The following VTI1A variants were observed in gnomAD, a reference collection of about 807,000 sequenced individuals.
VTI1A encodes vesicle transport through interaction with t-SNAREs homolog 1A.
A neutral mutation model predicts 34.9 loss-of-function variants in VTI1A; 22 were observed. The observed-to-expected ratio is 0.63, with a 90% CI of 0.45 to 0.90. The LOEUF (loss-of-function observed/expected upper bound fraction) is 0.90, where lower values mean the gene tolerates loss of function less well. Among genes scored for constraint, VTI1A ranks in the 40% least tolerant of loss-of-function variants. The pLI is 0.00. For synonymous variants in VTI1A, 87 were observed against 97.3 expected (o/e 0.89, Z 0.62); for missense variants, 268 against 275.6 (o/e 0.97, Z 0.20).
intron 5 of VTI1A, among the ~76,000 whole-genome samples, chr10:112,663,884 G>A (rs978758449): frequency 2.0e-5 from 3 of 152,154 alleles, no homozygotes; most frequent in Admixed American, 6.5e-5. Context: ...TTTTCATCTG[G>A]TTGGTGTTCT....
At chr10:112,746,498 A>C (rs1850902391) in intron 7 of VTI1A, among the ~76,000 whole-genome samples, 1 of 152,216 alleles carries the variant, frequency 6.6e-6, no homozygotes, top group African/African-American at 2.4e-5. Flanking sequence ...TCGCTCTCAC[A>C]GAACAAGTGT....
intron 3 of VTI1A, among the ~76,000 whole-genome samples, chr10:112,478,972 T>A (rs901743681): frequency 2.0e-5 from 3 of 151,986 alleles, no homozygotes; most frequent in Non-Finnish European, 2.9e-5. Context: ...ATCGAGACCA[T>A]CCTGGCCAAC....
chr10:112,682,153 T>C (rs1848237900), intron 7 of VTI1A, among the ~76,000 whole-genome samples: 1 of 152,220 alleles, frequency 6.6e-6, no homozygotes, highest in African/African-American at 2.4e-5. Flanking sequence ...CTGGGGTTTT[T>C]ATGTGCCTTG....
intron 5 of VTI1A, among the ~76,000 whole-genome samples, chr10:112,577,029 A>G (rs972802407): frequency 6.6e-6 from 1 of 152,214 alleles, no homozygotes; most frequent in East Asian, 1.9e-4. Flanking sequence ...TCCACAGTTT[A>G]TGTTAGGGAT....
intron 5 of VTI1A, among the ~76,000 whole-genome samples, chr10:112,551,257 A>C (rs1294946551): frequency 2.0e-5 from 3 of 151,558 alleles, no homozygotes; most frequent in Admixed American, 6.6e-5. Flanking sequence ...AAAAAAAAAA[A>C]AAAAAAAAAA....
intron 7 of VTI1A, among the ~76,000 whole-genome samples, chr10:112,749,347 C>T (rs1029918806): frequency 9.3e-5 from 14 of 150,978 alleles, no homozygotes; most frequent in African/African-American, 3.2e-4. Context: ...AAACTACATT[C>T]TTTGAAAATG....
chr10:112,544,895 G>A (rs1851018404), intron 5 of VTI1A, among the ~76,000 whole-genome samples: 1 of 152,190 alleles, frequency 6.6e-6, no homozygotes, highest in African/African-American at 2.4e-5. Flanking sequence ...GTCAAGTGGG[G>A]CAAGTTGTGT....
chr10:112,658,658 A>G (rs1847326587), intron 5 of VTI1A, among the ~76,000 whole-genome samples: 1 of 152,152 alleles, frequency 6.6e-6, no homozygotes, highest in Admixed American at 6.5e-5. Flanking sequence ...ACGGCAGCCA[A>G]GCAGGGAACA....
intron 7 of VTI1A, among the ~76,000 whole-genome samples, chr10:112,808,638 A>G (rs184996042): frequency 1.3e-3 from 201 of 152,046 alleles, no homozygotes; most frequent in Non-Finnish European, 2.3e-3. Flanking sequence ...AAAAAAAAAA[A>G]AAAAAAGAAA....
At chr10:112,666,495 G>A (rs1847645223) in intron 5 of VTI1A, among the ~76,000 whole-genome samples, 1 of 152,108 alleles carries the variant, frequency 6.6e-6, no homozygotes, top group Admixed American at 6.6e-5. Flanking sequence ...AGCTCCATGA[G>A]TGCAAACACT....
chr10:112,651,962 T>C (rs1016717480), intron 5 of VTI1A, among the ~76,000 whole-genome samples: 1 of 152,224 alleles, frequency 6.6e-6, no homozygotes, highest in Non-Finnish European at 1.5e-5. Context: ...AGTCCTCTGA[T>C]TGATCTCTTA....
intron 5 of VTI1A, among the ~76,000 whole-genome samples, chr10:112,540,062 G>A (rs1227077844): frequency 6.6e-6 from 1 of 152,140 alleles, no homozygotes; most frequent in Non-Finnish European, 1.5e-5. Context: ...TTCAGACTCA[G>A]GGGGTCTTCT....
At chr10:112,530,706 T>C (rs989321108) in intron 4 of VTI1A, among the ~76,000 whole-genome samples, 3 of 152,176 alleles carry the variant, frequency 2.0e-5, no homozygotes, top group African/African-American at 7.2e-5. Flanking sequence ...AAGGTTCTCT[T>C]AAGTTCTGAT....
At position 112,647,843 on chromosome 10, in the gene VTI1A, C is replaced by T. The variant is rs1228483927; in HGVS notation, c.428-20375C>T. On this transcript the variant is annotated intron_variant, in intron 5 of 7. Coordinates refer to ENST00000393077, the MANE Select transcript of VTI1A (RefSeq NM_145206.4). ...GGAGTGCAGTGGCGCAATCTTGGCT[C>T]GCTGCAACCTTCGCCTCCCGGGCTC... 2.6e-5 allele frequency among the ~76,000 whole-genome samples: 4 copies of T among 152,140 alleles called. No individual in the cohort carries two copies. In the East Asian group the frequency reaches 7.7e-4, roughly 29 times the overall value.
rs1852376275 is a variant in VTI1A at position 112,788,908 on chromosome 10, C to T, written c.561-26382C>T. On this transcript the variant is annotated intron_variant, in intron 7 of 7. Coordinates refer to ENST00000393077, the MANE Select transcript of VTI1A (RefSeq NM_145206.4). ...ACTTCAGGTTGATACTGACTTAATT[C>T]TAATAAAATATAGCAGTGTTATTCC... Among the ~76,000 whole-genome samples, 11 of 152,090 alleles carry T rather than the reference C, an allele frequency of 7.2e-5. No homozygotes were observed. In the South Asian group the frequency reaches 2.3e-3, roughly 32 times the overall value.
chr10:112,705,669 C>T (rs1849170877), intron 7 of VTI1A, among the ~76,000 whole-genome samples: 1 of 152,172 alleles, frequency 6.6e-6, no homozygotes, highest in African/African-American at 2.4e-5. Flanking sequence ...TGGAAATGTC[C>T]TTCTTAGCTT....
chr10:112,819,761 G>C (rs921668082), downstream of VTI1A, among the ~76,000 whole-genome samples: 1 of 152,178 alleles, frequency 6.6e-6, no homozygotes, highest in African/African-American at 2.4e-5. Flanking sequence ...TCGGAAGTCA[G>C]TGGCCTTCTC....
chr10:112,774,696 T>C (rs533547288), intron 7 of VTI1A, among the ~76,000 whole-genome samples: 1 of 152,236 alleles, frequency 6.6e-6, no homozygotes, highest in Non-Finnish European at 1.5e-5. Flanking sequence ...TATTAGGAGA[T>C]AATTGCAATG....
At chr10:112,804,165 C>T (rs1303842045) in intron 7 of VTI1A, among the ~76,000 whole-genome samples, 2 of 152,310 alleles carry the variant, frequency 1.3e-5, no homozygotes, top group Non-Finnish European at 2.9e-5. Flanking sequence ...GAAGGTATCC[C>T]GGAGCCAGCC....
Sources: allele counts gnomAD v4.1 joint callset (sites outside exome capture counted in the v4.1 genomes callset), GRCh38; gene constraint gnomAD v4.1.1; transcripts MANE v1.5; gene names NCBI Gene and HGNC (gene_info 2026-07-23, HGNC 2026-07-21).